Variants in CCDC63 observed in about 807,000 individuals in gnomAD.
CCDC63 encodes coiled-coil domain-containing protein 63.
CCDC63 carries 54 observed loss-of-function variants against 63.6 expected under a neutral mutation model. The ratio of observed to expected loss-of-function variants is 0.85; its 90% CI spans 0.68 to 1.07. The LOEUF (loss-of-function observed/expected upper bound fraction) is 1.07, where lower values mean the gene tolerates loss of function less well. Ranked by LOEUF, CCDC63 falls within the 50% of genes least tolerant of loss-of-function variation. The pLI is 0.00. For missense variants in CCDC63, 637 were observed against 689.6 expected, an observed-to-expected ratio of 0.92 and a Z score of 0.86; for synonymous variants, 253 against 266.1, an observed-to-expected ratio of 0.95 and a Z score of 0.48.
chr12:110,884,023 T>C lies in CCDC63; in HGVS notation c.854-7T>C. 6.2e-7 allele frequency: 1 copy of C among 1,612,592 alleles called. No homozygotes were observed. Among genetic ancestry groups the C allele is most frequent in the Non-Finnish European group, 8.5e-7 (1 of 1,178,774 alleles). ...AGTGTCACAGTGGCTGATTTTTCCT[T>C]TCCTAGCTCTCAAGGCAAAGAAGCA... On this transcript the variant is annotated splice_region_variant and splice_polypyrimidine_tract_variant and intron_variant, in intron 7 of 11. Transcript: ENST00000308208.
chr12:110,868,456 G>A (rs2071008029), intron 4 of CCDC63, among the ~76,000 whole-genome samples: 1 of 150,700 alleles, frequency 6.6e-6, no homozygotes. Flanking sequence ...AGCACTGAGT[G>A]AACGAGACTC....
chr12:110,863,509 A>C (rs1428151309), intron 4 of CCDC63, among the ~76,000 whole-genome samples: 1 of 152,008 alleles, frequency 6.6e-6, no homozygotes, highest in Non-Finnish European at 1.5e-5. Context: ...TCACATAACA[A>C]AATATCTGAC....
intron 4 of CCDC63, among the ~76,000 whole-genome samples, chr12:110,865,464 CAAAAA>C (rs10585238): frequency 1.6e-4 from 16 of 102,362 alleles, no homozygotes; most frequent in African/African-American, 5.5e-4. Context: ...CAGCATATAC[CAAAAA>C]AAAAAAAAAA....
chr12:110,862,467 G>A (rs2070868266), intron 4 of CCDC63, among the ~76,000 whole-genome samples: 1 of 152,226 alleles, frequency 6.6e-6, no homozygotes, highest in East Asian at 1.9e-4. Flanking sequence ...TCCACCAGCC[G>A]TTGCCTTGGA....
At chr12:110,872,111 A>T (rs1271280883) in intron 4 of CCDC63, among the ~76,000 whole-genome samples, 2 of 152,182 alleles carry the variant, frequency 1.3e-5, no homozygotes, top group Non-Finnish European at 2.9e-5. Context: ...TCCTCATCTG[A>T]CTTACCTAGA....
chr12:110,878,504 G>A (rs1221441305), intron 5 of CCDC63, among the ~76,000 whole-genome samples: 3 of 151,982 alleles, frequency 2.0e-5, no homozygotes, highest in African/African-American at 7.2e-5. Flanking sequence ...TAGTTGAGAC[G>A]GGGTTTCACC....
intron 7 of CCDC63, among the ~76,000 whole-genome samples, chr12:110,882,573 A>G (rs1593677462): frequency 6.6e-6 from 1 of 152,124 alleles, no homozygotes; most frequent in Non-Finnish European, 1.5e-5. Context: ...TCTTAAAAAA[A>G]AAAAGGTTAT....
chr12:110,853,596 G>A (rs370449589), intron 3 of CCDC63, 22 bp downstream of exon 3: 116 of 1,613,688 alleles, frequency 7.2e-5, no homozygotes, highest in African/African-American at 5.1e-4. Context: ...TTGGAGTTTC[G>A]CACTGAGTGA....
chr12:110,865,105 T>C (rs2136664633), intron 4 of CCDC63, among the ~76,000 whole-genome samples: 1 of 152,282 alleles, frequency 6.6e-6, no homozygotes, highest in East Asian at 1.9e-4. Flanking sequence ...TCCTGCTTAC[T>C]CTGGAATCAA....
chr12:110,879,773 C>G (rs2136694654), intron 5 of CCDC63, 133 bp from the exon 6 acceptor site: 1 of 816,400 alleles, frequency 1.2e-6, no homozygotes, highest in South Asian at 1.7e-5. Context: ...CTCTTGCCTA[C>G]TGCTCCAACC....
chr12:110,876,740 T>TA (rs576432598), intron 5 of CCDC63, among the ~76,000 whole-genome samples: 7 of 150,900 alleles, frequency 4.6e-5, no homozygotes, highest in African/African-American at 1.5e-4. Flanking sequence ...ATAATTTTAT[T>TA]AAAAAAAAAT....
intron 4 of CCDC63, among the ~76,000 whole-genome samples, chr12:110,868,336 T>C (rs7957492): frequency 0.079 from 8,615 of 108,514 alleles, 400 homozygotes; most frequent in African/African-American, 0.11. Context: ...GGGTGGCGGC[T>C]GGGCAGAGGC....
At position 110,891,655 on chromosome 12, in the gene CCDC63, AG is replaced by A. The variant is rs869074664; in HGVS notation, c.1075-1420del. Among the ~76,000 whole-genome samples, 45 of 137,706 alleles carry A rather than the reference AG, an allele frequency of 3.3e-4. 2 individuals are homozygous for A. The highest frequency in any genetic ancestry group is 7.7e-4 in the African/African-American group (28 of 36,470). The allele number at this position is 137,706 out of a possible 152,430, so 90.3% of individuals were successfully genotyped here. A position where few individuals can be genotyped will look rare whatever the true frequency, so the allele number is the denominator to read the frequency against. ...TTCTCAAAAAAAAAAAAAAAAAAAAAGAAGAAGAAGAAAAGCACATTCCCCA... is the reference window on the plus strand; with the variant it reads ...TTCTCAAAAAAAAAAAAAAAAAAAAAAAGAAGAAGAAAAGCACATTCCCCA... On this transcript the variant is annotated intron_variant, in intron 8 of 11. Transcript: ENST00000308208.
rs2070811976 is a variant in CCDC63 at position 110,858,725 on chromosome 12, G to C, written c.319G>C (p.Glu107Gln). The C allele has an allele frequency of 5.0e-6, 8 of 1,614,148 alleles. No homozygotes were observed. Among genetic ancestry groups the C allele is most frequent in the Non-Finnish European group, 6.8e-6 (8 of 1,180,026 alleles). Reference sequence around the variant, plus strand: ...CCTGCTCCAAACTAAGGAGGACTATGAGGCATTGATTAAATCCCTGAAAGT... The same window carrying C: ...CCTGCTCCAAACTAAGGAGGACTATCAGGCATTGATTAAATCCCTGAAAGT... Reference protein sequence around the residue: ...RLLLQTKEDYEALIKSLKVLL... With the variant: ...RLLLQTKEDYQALIKSLKVLL... The change falls in exon 4 of 12, where the codon GAG (glutamate) becomes CAG (glutamine). Residue 107 changes from glutamate to glutamine, a missense_variant. By Grantham distance (29) the Glu-to-Gln change is conservative. Coordinates refer to ENST00000308208, the MANE Select transcript of CCDC63 (RefSeq NM_152591.3).
chr12:110,892,970 G>T, intron 8 of CCDC63, 106 bp from the exon 9 acceptor site: 1 of 859,920 alleles, frequency 1.2e-6, no homozygotes, highest in South Asian at 1.6e-5. Flanking sequence ...TCTTTGAAAC[G>T]GATCATTGAA....
rs139339672 is a variant in CCDC63, at chr12:110,882,262, A to C, written c.853+966A>C. On this transcript the variant is annotated intron_variant, in intron 7 of 11. Coordinates refer to ENST00000308208, the MANE Select transcript of CCDC63 (RefSeq NM_152591.3). ...CATGGTGGCTCATGCCTGTAATCTC[A>C]GTGCTTTGGGAGGCCAAGGCGGGAG... Among the ~76,000 whole-genome samples, 296 of 152,268 alleles carry C rather than the reference A, an allele frequency of 1.9e-3. 2 individuals are homozygous for C. Among genetic ancestry groups the C allele is most frequent in the African/African-American group, 6.5e-3 (270 of 41,552 alleles).
chr12:110,876,337 G>A (rs1404490613), intron 5 of CCDC63, among the ~76,000 whole-genome samples: 2 of 152,082 alleles, frequency 1.3e-5, no homozygotes, highest in African/African-American at 4.8e-5. Context: ...AAGAGGAAGT[G>A]GAGGATGCAA....
chr12:110,858,741 C>T lies in CCDC63; in HGVS notation c.335C>T (p.Ser112Phe). ...TKEDYEALIK[S>F]LKVLLAELDE... ...GAGGACTATGAGGCATTGATTAAAT[C>T]CCTGAAAGTGCTGTTGGCTGAACTG... is the stretch of plus-strand genomic sequence containing the variant. The change falls in exon 4 of 12, where the codon TCC becomes TTC. Residue 112 changes from serine to phenylalanine, a missense_variant. Coordinates refer to ENST00000308208, the MANE Select transcript of CCDC63 (RefSeq NM_152591.3). 1 of 1,613,984 alleles carries T rather than the reference C, an allele frequency of 6.2e-7. No homozygotes were observed. The highest frequency in any genetic ancestry group is 8.5e-7 in the Non-Finnish European group (1 of 1,179,954).
chr12:110,873,868 A>G lies in CCDC63; in HGVS notation c.396A>G (p.Ala132=). 6.2e-7 allele frequency: 1 copy of G among 1,612,904 alleles called. No homozygotes were observed. The highest frequency in any genetic ancestry group is 1.1e-5 in the South Asian group (1 of 90,906). ...TTCTTCAGATGGAAAAAAAAATCGC[A>G]AACCAAAAACAGATTTTCGCAAAAA... ...EKILQMEKKI[A]NQKQIFAKMQ... The change falls in exon 5 of 12, where the codon GCA becomes GCG. Residue 132 remains alanine (A), a synonymous_variant. Transcript: ENST00000308208.
Sources: gnomAD v4.1 joint callset for allele counts (sites outside exome capture counted in the v4.1 genomes callset) on GRCh38, gnomAD v4.1.1 for gene constraint, MANE v1.5 for transcripts, NCBI Gene and HGNC (gene_info 2026-07-23, HGNC 2026-07-21) for gene names.